The following NSMCE2 variants were observed in gnomAD, a reference collection of about 807,000 sequenced individuals.
The protein encoded by NSMCE2 is E3 SUMO-protein ligase NSE2.
Under a neutral mutation model 23.8 loss-of-function variants are expected in NSMCE2, and 24 were observed. That is an observed-to-expected ratio of 1.01 (90% CI 0.73 to 1.42). The LOEUF (loss-of-function observed/expected upper bound fraction) is 1.42. NSMCE2 is among the 40% of genes most tolerant of loss of function. The pLI, the probability that NSMCE2 is intolerant of heterozygous loss-of-function variation, is 0.00. For missense variants in NSMCE2, 284 were observed against 296.5 expected (o/e 0.96, Z 0.31); for synonymous variants, 92 against 94.1 (o/e 0.98, Z 0.13).
Position 125,186,975 on chromosome 8 carries a change from C to G in NSMCE2, c.418+4719C>G, listed in dbSNP as rs80121459. Among the ~76,000 whole-genome samples, 667 of 152,204 alleles carry G rather than the reference C, an allele frequency of 4.4e-3. 6 individuals carry two copies. The highest frequency in any genetic ancestry group is 0.015 in the African/African-American group (630 of 41,534). ...ACATCTTTGAACAAAGAATTTTATC[C>G]TTTAGATACCCAGTGTCCTGTATGT... On this transcript the variant is annotated intron_variant, in intron 5 of 7. Transcript: ENST00000287437.
In NSMCE2 at chr8:125,112,247, T is replaced by C. The variant is rs79604538; in HGVS notation, c.157+9760T>C. Among the ~76,000 whole-genome samples the C allele has an allele frequency of 3.9e-3, 596 of 152,256 alleles. 3 individuals are homozygous for C. Among genetic ancestry groups the C allele is most frequent in the African/African-American group, 0.014 (569 of 41,558 alleles). On this transcript the variant is annotated intron_variant, in intron 3 of 7. Transcript: ENST00000287437. Reference sequence around the variant, plus strand: ...ATATAGTACTAAAAGTAAAAGGCAATGCCTACACCAGGATGTAGAGAAAAG... The same window carrying C: ...ATATAGTACTAAAAGTAAAAGGCAACGCCTACACCAGGATGTAGAGAAAAG...
chr8:125,146,753 G>A (rs1250910488), intron 3 of NSMCE2, among the ~76,000 whole-genome samples: 1 of 152,098 alleles, frequency 6.6e-6, no homozygotes, highest in Non-Finnish European at 1.5e-5. Context: ...TTGTGAGGTG[G>A]GGAGAGTGGG....
At chr8:125,264,554 G>A (rs1323450700) in intron 5 of NSMCE2, among the ~76,000 whole-genome samples, 5 of 152,040 alleles carry the variant, frequency 3.3e-5, no homozygotes, top group Admixed American at 2.6e-4. Context: ...CCATCTGCGC[G>A]CACCACCACG....
chr8:125,244,619 C>G (rs1280981665), intron 5 of NSMCE2, among the ~76,000 whole-genome samples: 1 of 152,098 alleles, frequency 6.6e-6, no homozygotes, highest in Non-Finnish European at 1.5e-5. Flanking sequence ...ACATACCAGA[C>G]AACAAACTAA....
At chr8:125,205,279 C>G (rs1270137670) in intron 5 of NSMCE2, among the ~76,000 whole-genome samples, 1 of 152,130 alleles carries the variant, frequency 6.6e-6, no homozygotes, top group African/African-American at 2.4e-5. Flanking sequence ...AGAAGAGTAT[C>G]TAATTACAAA....
At position 125,367,052 on chromosome 8, in the gene NSMCE2, A is replaced by G; in HGVS notation, c.*167A>G. On this transcript the variant is annotated 3_prime_UTR_variant, in exon 8 of 8. Coordinates refer to ENST00000287437, the MANE Select transcript of NSMCE2 (RefSeq NM_173685.4). Reference sequence around the variant, plus strand: ...TGAAAACATTTTTCAAAGTTACACAACAGAAATGCAATCATATTGTTTATT... The same window carrying G: ...TGAAAACATTTTTCAAAGTTACACAGCAGAAATGCAATCATATTGTTTATT... The G allele has an allele frequency of 1.8e-6, 1 of 570,312 alleles. No individual in the cohort carries two copies. Among genetic ancestry groups the G allele is most frequent in the African/African-American group, 1.9e-5 (1 of 53,662 alleles). 35.3% of individuals were successfully genotyped at this position (570,312 alleles called of 1,614,324 possible).
At chr8:125,336,398 T>C (rs1444280377) in intron 5 of NSMCE2, among the ~76,000 whole-genome samples, 1 of 152,196 alleles carries the variant, frequency 6.6e-6, no homozygotes. Context: ...CGAGATCAAA[T>C]AGCTAGGGGA....
At chr8:125,118,760 C>A (rs558967884) in intron 3 of NSMCE2, among the ~76,000 whole-genome samples, 5 of 152,310 alleles carry the variant, frequency 3.3e-5, no homozygotes, top group African/African-American at 7.2e-5. Context: ...TAGATCAACT[C>A]TTCCAGGAAT....
At chr8:125,137,479 A>G (rs915453029) in intron 3 of NSMCE2, among the ~76,000 whole-genome samples, 1 of 152,204 alleles carries the variant, frequency 6.6e-6, no homozygotes, top group Non-Finnish European at 1.5e-5. Context: ...TGCTATCCAC[A>G]TGCAAGCTAA....
At chr8:125,124,470 TTCTCTCTCTCTC>T (rs376240525) in intron 3 of NSMCE2, among the ~76,000 whole-genome samples, 1 of 146,234 alleles carries the variant, frequency 6.8e-6, no homozygotes, top group African/African-American at 2.5e-5. Flanking sequence ...TCCTCAGGAT[TTCTCTCTCTCTC>T]TCTCTCTCTC....
chr8:125,099,753 G>A (rs1025758985), intron 1 of NSMCE2, among the ~76,000 whole-genome samples: 2 of 152,124 alleles, frequency 1.3e-5, no homozygotes, highest in Non-Finnish European at 2.9e-5. Context: ...CAAAGGGAAT[G>A]GAAGGAGAGG....
chr8:125,143,654 A>C (rs977064277), intron 3 of NSMCE2, among the ~76,000 whole-genome samples: 1 of 152,242 alleles, frequency 6.6e-6, no homozygotes, highest in East Asian at 1.9e-4. Context: ...ATGCCTGTAC[A>C]TGGCTTTGTA....
At chr8:125,321,963 TG>T (rs1392210389) in intron 5 of NSMCE2, among the ~76,000 whole-genome samples, 1 of 152,252 alleles carries the variant, frequency 6.6e-6, no homozygotes, top group Non-Finnish European at 1.5e-5. Flanking sequence ...AGCATCTTTA[TG>T]TATGCTTATT....
At chr8:125,116,478 A>G (rs1463657028) in intron 3 of NSMCE2, among the ~76,000 whole-genome samples, 1 of 152,194 alleles carries the variant, frequency 6.6e-6, no homozygotes, top group Non-Finnish European at 1.5e-5. Context: ...ATTTCTGTGT[A>G]TAGGGAAGGT....
intron 5 of NSMCE2, among the ~76,000 whole-genome samples, chr8:125,228,718 G>C (rs1441208356): frequency 6.6e-6 from 1 of 152,210 alleles, no homozygotes; most frequent in African/African-American, 2.4e-5. Flanking sequence ...AAGTGTAAAG[G>C]GGGTAAGGCA....
chr8:125,214,066 A>G (rs1824471343), intron 5 of NSMCE2, among the ~76,000 whole-genome samples: 1 of 152,204 alleles, frequency 6.6e-6, no homozygotes. Flanking sequence ...ACTTTTATTT[A>G]TAGTGTTAAT....
intron 5 of NSMCE2, among the ~76,000 whole-genome samples, chr8:125,310,705 AC>A (rs978764474): frequency 2.0e-5 from 3 of 152,160 alleles, no homozygotes. Context: ...CCAAATGTGA[AC>A]AGAGGTTTAG....
At chr8:125,104,039 G>A (rs1464083405) in intron 3 of NSMCE2, among the ~76,000 whole-genome samples, 3 of 149,284 alleles carry the variant, frequency 2.0e-5, no homozygotes, top group Non-Finnish European at 4.4e-5. Context: ...TGCCCAGGCT[G>A]GAGTGCAATG....
intron 5 of NSMCE2, among the ~76,000 whole-genome samples, chr8:125,186,729 G>A (rs545228275): frequency 1.4e-4 from 21 of 152,180 alleles, no homozygotes; most frequent in Non-Finnish European, 1.0e-4. Flanking sequence ...AAGATTTTGA[G>A]GCTGGGTTCA....
Sources: gnomAD v4.1 joint callset for allele counts (sites outside exome capture counted in the v4.1 genomes callset) on GRCh38, gnomAD v4.1.1 for gene constraint, MANE v1.5 for transcripts, NCBI Gene and HGNC (gene_info 2026-07-23, HGNC 2026-07-21) for gene names.